RNF40: variants seen among roughly 807,000 people sequenced by gnomAD.
The protein encoded by RNF40 is E3 ubiquitin-protein ligase BRE1B.
In RNF40, 39 loss-of-function variants were observed where a neutral mutation model predicts 123.3. That is an observed-to-expected ratio of 0.32 (90% CI 0.24 to 0.41). The LOEUF (loss-of-function observed/expected upper bound fraction) is 0.41, where lower values mean the gene tolerates loss of function less well. Ranked by LOEUF, RNF40 falls within the 10% of genes least tolerant of loss-of-function variation. RNF40 has a pLI of 1.00. For synonymous variants in RNF40, 538 were observed against 526.0 expected, an observed-to-expected ratio of 1.02 and a Z score of -0.31; for missense variants, 1,003 against 1,319.9, an observed-to-expected ratio of 0.76 and a Z score of 3.72.
intron 19 of RNF40, chr16:30,773,559 A>G (rs1048004058): frequency 3.4e-5 from 6 of 177,710 alleles, no homozygotes; most frequent in Admixed American, 6.0e-5. Flanking sequence ...TTGCATTGCC[A>G]TTCCAGCTGT....
Position 30,774,100 on chromosome 16 carries a change from A to G in RNF40, c.2992A>G (p.Ile998Val). 1.2e-6 allele frequency: 2 copies of G among 1,613,342 alleles called. No homozygotes were observed. The highest frequency in any genetic ancestry group is 1.7e-6 in the Non-Finnish European group (2 of 1,179,406). ...CTTTGGTGCCCACGACTTCCATCGT[A>G]TCTACATCAGCTGAACCTGAAACTC... ...AAFGAHDFHR[I>V]YIS The change falls in exon 20 of 20, where the codon ATC (isoleucine) becomes GTC (valine). Residue 998 changes from isoleucine (I) to valine (V), a missense_variant. Physicochemically the swap from Ile to Val is conservative, Grantham distance 29. Coordinates refer to ENST00000324685, the MANE Select transcript of RNF40 (RefSeq NM_014771.4).
Position 30,768,182 on chromosome 16 carries a change from C to T in RNF40, c.1631C>T (p.Ala544Val), listed in dbSNP as rs145317847. 143 of 1,612,684 alleles carry T rather than the reference C, an allele frequency of 8.9e-5. No homozygotes were observed. Among genetic ancestry groups the T allele is most frequent in the Non-Finnish European group, 1.2e-4 (138 of 1,179,436 alleles). ...HPEDSGVSAP[A>V]PGKEEGGPGP... ...GAGGATTCTGGCGTCAGTGCCCCAG[C>T]CCCAGGGAAAGAGGAGGGTGGGCCA... The change falls in exon 13 of 20, where the codon GCC becomes GTC. Residue 544 changes from alanine (A) to valine (V), a missense_variant. By Grantham distance (64) the Ala-to-Val change is moderately conservative (BLOSUM62 0). Around this residue, in one of 11 missense-constraint regions of RNF40, gnomAD observed 295 missense variants for 331.7 expected, o/e 0.89. Transcript: ENST00000324685. The surrounding 1 kb of genome is among the most constrained non-coding windows in gnomAD (Gnocchi z 4.1).
At position 30,768,731 on chromosome 16, in the gene RNF40, G is replaced by A. The variant is rs758182243; in HGVS notation, c.2092G>A (p.Ala698Thr). The A allele has an allele frequency of 6.2e-7, 1 of 1,613,944 alleles. No homozygotes were observed. The highest frequency in any genetic ancestry group is 8.5e-7 in the Non-Finnish European group (1 of 1,180,038). ...CATGGCAGCGGAACGCAAGGCTAAG[G>A]CCGAGGTGAGGGCAGCTGGGGCTTG... is the stretch of plus-strand genomic sequence containing the variant. ...QLMAAERKAKAEVDELRSRIR... is the reference protein window; with the variant it reads ...QLMAAERKAKTEVDELRSRIR... Residue 698 changes from alanine to threonine, a missense_variant, in exon 14 of 20, where the codon GCC (alanine) becomes ACC (threonine). By Grantham distance (58) the Ala-to-Thr change is moderately conservative (BLOSUM62 0). This residue lies in a region of RNF40 where 295 missense variants were observed against 331.7 expected (regional missense o/e 0.89). Transcript: ENST00000324685. The surrounding 1 kb of genome is among the most constrained non-coding windows in gnomAD (Gnocchi z 4.1).
rs773367988 is a variant in RNF40, at chr16:30,771,884, G to A, written c.2638G>A (p.Val880Met). 30 of 1,609,016 alleles carry A rather than the reference G, an allele frequency of 1.9e-5. No homozygotes were observed. Among genetic ancestry groups the A allele is most frequent in the Non-Finnish European group, 2.2e-5 (26 of 1,177,066 alleles). ...GGACCTGAAGGTGCAGCTGGAGCACGTGCAGACTCGGCTGCGGGAGATCCA... is the reference window on the plus strand; with the variant it reads ...GGACCTGAAGGTGCAGCTGGAGCACATGCAGACTCGGCTGCGGGAGATCCA... ...AEDLKVQLEH[V>M]QTRLREIQPC... Residue 880 changes from valine to methionine, a missense_variant, in exon 18 of 20, where the codon GTG becomes ATG. By Grantham distance (21) the Val-to-Met change is conservative. Around this residue, in one of 11 missense-constraint regions of RNF40, gnomAD observed 121 missense variants for 125.3 expected, o/e 0.97. Coordinates refer to ENST00000324685, the MANE Select transcript of RNF40 (RefSeq NM_014771.4).
intron 11 of RNF40, 77 bp from the exon 12 acceptor site, chr16:30,767,817 C>T (rs376129789): frequency 1.9e-6 from 3 of 1,593,894 alleles, no homozygotes; most frequent in African/African-American, 2.7e-5. Flanking sequence ...GATGGCATAG[C>T]CTCTTACCCC....
rs545497357 is a variant in RNF40, at chr16:30,766,615, C to T, written c.1293+57C>T. On this transcript the variant is annotated intron_variant, in intron 10 of 19. Coordinates refer to ENST00000324685, the MANE Select transcript of RNF40 (RefSeq NM_014771.4). The surrounding 1 kb of genome is among the most constrained non-coding windows in gnomAD (Gnocchi z 5.4). Reference sequence around the variant, plus strand: ...CTAAGGGCCAAACCGTTAGTGTTGACGTGTTTGTGCCTTCCGAGGCCCTGT... The same window carrying T: ...CTAAGGGCCAAACCGTTAGTGTTGATGTGTTTGTGCCTTCCGAGGCCCTGT... The T allele has an allele frequency of 1.9e-5, 30 of 1,581,570 alleles. No homozygotes were observed. Among genetic ancestry groups the T allele is most frequent in the Middle Eastern group, 1.7e-4 (1 of 5,922 alleles).
intron 11 of RNF40, 50 bp from the exon 12 acceptor site, chr16:30,767,844 C>T: frequency 6.2e-7 from 1 of 1,613,578 alleles, no homozygotes; most frequent in Non-Finnish European, 8.5e-7. Context: ...GGGTTGGAGT[C>T]CTAACCCAGG....
chr16:30,769,210 A>C lies in RNF40; in HGVS notation c.2272A>C (p.Met758Leu). The change falls in exon 16 of 20, where the codon ATG becomes CTG. Residue 758 changes from methionine to leucine, a missense_variant. Met to Leu is a conservative substitution (Grantham distance 15). Transcript: ENST00000324685. ...GGAGGAGGAGGCTCTGCTCTCAGAGATGGATGTGACAGGTCAGGCTTTTGA... is the reference window on the plus strand; with the variant it reads ...GGAGGAGGAGGCTCTGCTCTCAGAGCTGGATGTGACAGGTCAGGCTTTTGA... ...KQEEEALLSE[M>L]DVTGQAFEDM... 1 of 1,614,140 alleles carries C rather than the reference A, an allele frequency of 6.2e-7. No individual in the cohort carries two copies. The highest frequency in any genetic ancestry group is 8.5e-7 in the Non-Finnish European group (1 of 1,180,002).
Position 30,766,419 on chromosome 16 carries a change from CGGG to C in RNF40, c.1157_1159del (p.Gly386del). 3 of 1,613,732 alleles carry C rather than the reference CGGG, an allele frequency of 1.9e-6. No individual in the cohort carries two copies. Among genetic ancestry groups the C allele is most frequent in the Non-Finnish European group, 2.5e-6 (3 of 1,179,810 alleles). On this transcript the variant is annotated inframe_deletion, in exon 10 of 20. Transcript: ENST00000324685. The surrounding 1 kb of genome is among the most constrained non-coding windows in gnomAD (Gnocchi z 5.4). ...CTTCCTGAGGAGGTAGTGCGGGAGA[CGGG>C]GGAGTACCGCATGCTGCAGGCCCAA...
rs779465506 is a variant in RNF40 at position 30,771,944 on chromosome 16, A to G, written c.2698A>G (p.Lys900Glu). ...GGCAGAGAGCCGGGCTGCTCGTGAG[A>G]AAGAGAGCTTCAACCTCAAGAGGGC... ...CLAESRAARE[K>E]ESFNLKRAQE... The change falls in exon 18 of 20, where the codon AAA becomes GAA. Residue 900 changes from lysine to glutamate, a missense_variant. Coordinates refer to ENST00000324685, the MANE Select transcript of RNF40 (RefSeq NM_014771.4). 1 of 1,600,606 alleles carries G rather than the reference A, an allele frequency of 6.2e-7. No individual in the cohort carries two copies. The highest frequency in any genetic ancestry group is 1.1e-5 in the South Asian group (1 of 89,636).
rs1454657145 is a variant in RNF40 at position 30,765,496 on chromosome 16, G to A, written c.990G>A (p.Gln330=). The change falls in exon 8 of 20, where the codon CAG becomes CAA. Residue 330 remains glutamine, a synonymous_variant. Transcript: ENST00000324685. ...FQGGQITLSM[Q]KFEMLNAELE... ...GGGGCCAGATCACACTCAGCATGCA[G>A]AAGGTGAGCGGCGTTTTCCTCCCAC... 1 of 1,613,822 alleles carries A rather than the reference G, an allele frequency of 6.2e-7. No homozygotes were observed. Among genetic ancestry groups the A allele is most frequent in the Admixed American group, 1.7e-5 (1 of 59,996 alleles).
At position 30,762,535 on chromosome 16, in the gene RNF40, C is replaced by T; in HGVS notation, c.-11C>T. 6.3e-7 allele frequency: 1 copy of T among 1,580,762 alleles called. No homozygotes were observed. The highest frequency in any genetic ancestry group is 8.5e-7 in the Non-Finnish European group (1 of 1,172,852). ...CTCAGGGGACCCTGCATCGCTCCAGCCGCCGCGGCCATGTCTGGGCCAGGC... is the reference window on the plus strand; with the variant it reads ...CTCAGGGGACCCTGCATCGCTCCAGTCGCCGCGGCCATGTCTGGGCCAGGC... On this transcript the variant is annotated 5_prime_UTR_variant, in exon 2 of 20. Transcript: ENST00000324685.
chr16:30,762,166 A>G, upstream of RNF40: 1 of 311,756 alleles, frequency 3.2e-6, no homozygotes, highest in Non-Finnish European at 5.9e-6. Flanking sequence ...GGTGTTTGGG[A>G]AGAAGCCAGA....
Position 30,774,027 on chromosome 16 carries a change from G to A in RNF40, c.2919G>A (p.Arg973=). The A allele has an allele frequency of 3.7e-6, 6 of 1,614,102 alleles. No homozygotes were observed. The Middle Eastern group carries it at 8.3e-4, about 222-fold the overall frequency. ...ACGTTTTCTGCTTCGAGTGCGTGCG[G>A]GGCCGCTATGAGGCCCGCCAGAGGA... ...CFHVFCFECV[R]GRYEARQRKC... is the part of the protein sequence containing the mutation. The change falls in exon 20 of 20, where the codon CGG becomes CGA. Residue 973 remains arginine, a synonymous_variant. Transcript: ENST00000324685.
rs1232838801 is a variant in RNF40 at position 30,765,074 on chromosome 16, G to T, written c.771+15G>T. On this transcript the variant is annotated intron_variant, in intron 6 of 19. Coordinates refer to ENST00000324685, the MANE Select transcript of RNF40 (RefSeq NM_014771.4). Reference sequence around the variant, plus strand: ...TCTCATTGGAGGTGAGGAGCCGGGGGCTTTGGGGGTGTGATTAGAATCAGG... The same window carrying T: ...TCTCATTGGAGGTGAGGAGCCGGGGTCTTTGGGGGTGTGATTAGAATCAGG... The T allele has an allele frequency of 2.5e-6, 4 of 1,613,408 alleles. No homozygotes were observed. The highest frequency in any genetic ancestry group is 3.3e-5 in the Admixed American group (2 of 59,996).
Position 30,776,242 on chromosome 16 carries a change from C to T in RNF40, c.*2128C>T, listed in dbSNP as rs1271485384. The T allele has an allele frequency of 6.6e-6, 1 of 152,132 alleles. No homozygotes were observed. The highest frequency in any genetic ancestry group is 6.5e-5 in the Admixed American group (1 of 15,276). 9.4% of individuals were successfully genotyped at this position (152,132 alleles called of 1,614,324 possible). On this transcript the variant is annotated 3_prime_UTR_variant, in exon 20 of 20. Transcript: ENST00000324685. ...ATCTGCGCTAAAGGCCACCCGGTCT[C>T]CTTATCAGAGGGGCAAAACTCTCCT...
chr16:30,764,484 C>T (rs1242049333), intron 5 of RNF40, 99 bp downstream of exon 5: 3 of 1,025,084 alleles, frequency 2.9e-6, no homozygotes, highest in Non-Finnish European at 4.3e-6. Flanking sequence ...CAAGGGCGGC[C>T]AGAATTTCCC....
upstream of RNF40, chr16:30,762,291 T>C: frequency 2.1e-6 from 1 of 470,254 alleles, no homozygotes; most frequent in Non-Finnish European, 3.7e-6. Flanking sequence ...GGGGGGGCAG[T>C]GGCGTCCAGT....
chr16:30,769,606 G>C lies in RNF40; in HGVS notation c.2586+6G>C, dbSNP rs867925048. The stretch of plus-strand genomic sequence containing the variant: ...TGGAGCTCAACAAGCGGAAGGTGAG[G>C]CTGGGCCAGGGGGACACACAGCTTG... On this transcript the variant is annotated splice_donor_region_variant and intron_variant, in intron 17 of 19. Coordinates refer to ENST00000324685, the MANE Select transcript of RNF40 (RefSeq NM_014771.4). 4 of 1,555,536 alleles carry C rather than the reference G, an allele frequency of 2.6e-6. No individual in the cohort carries two copies. In the Middle Eastern group the frequency reaches 8.0e-4, roughly 311 times the overall value.
Sources: allele counts gnomAD v4.1 joint callset, GRCh38; gene constraint gnomAD v4.1.1; regional missense constraint gnomAD v4.1.1; non-coding constraint Gnocchi (gnomAD v3.1); transcripts MANE v1.5; gene names NCBI Gene and HGNC (gene_info 2026-07-23, HGNC 2026-07-21).